Variants in EVC2 observed in about 807,000 individuals in gnomAD.
EVC2 encodes the protein limbin.
EVC2 carries 148 observed loss-of-function variants against 149.3 expected under a neutral mutation model. The observed-to-expected ratio is 0.99, with a 90% CI of 0.87 to 1.14. The LOEUF (loss-of-function observed/expected upper bound fraction) is 1.14, where lower values mean the gene tolerates loss of function less well. Among genes scored for constraint, EVC2 ranks in the 50% most tolerant of loss-of-function variants. The pLI is 0.00. For missense variants in EVC2, 1,854 were observed against 1,627.3 expected (o/e 1.14, Z -2.40); for synonymous variants, 776 against 649.9 (o/e 1.19, Z -2.95).
intron 9 of EVC2, among the ~76,000 whole-genome samples, chr4:5,653,857 C>A (rs1198816729): frequency 6.6e-6 from 1 of 152,188 alleles, no homozygotes; most frequent in Admixed American, 6.6e-5. Context: ...ACAAACGAGG[C>A]CCACCCTCTC....
chr4:5,660,920 T>C (rs1314907535), intron 9 of EVC2, among the ~76,000 whole-genome samples: 2 of 152,054 alleles, frequency 1.3e-5, no homozygotes, highest in Non-Finnish European at 2.9e-5. Context: ...TATCAAACAC[T>C]GAAAATAAGA....
Position 5,550,756 on chromosome 4 carries a change from G to A in EVC2, c.3420-7544C>T, listed in dbSNP as rs189887576. On this transcript the variant is annotated intron_variant and NMD_transcript_variant, in intron 21 of 22. Transcript: ENST00000475313. ...TTCACAGCAGCCCCTACCATCACAGGCCTGGAGGCTTAGGAAGAAAAAGTG... is the reference window on the plus strand; with the variant it reads ...TTCACAGCAGCCCCTACCATCACAGACCTGGAGGCTTAGGAAGAAAAAGTG... Among the ~76,000 whole-genome samples, 500 of 152,288 alleles carry A rather than the reference G, an allele frequency of 3.3e-3. 7 individuals carry two copies. Among genetic ancestry groups the A allele is most frequent in the African/African-American group, 0.011 (456 of 41,558 alleles).
rs148018699 is a variant in EVC2, at chr4:5,665,582, G to A, written c.938C>T (p.Thr313Ile). ...AACCATGAGGAAGAGGGCAGCCCAGGTCAGCACAAGGGAGAGGAGGAAGGC... is the reference window on the plus strand; with the variant it reads ...AACCATGAGGAAGAGGGCAGCCCAGATCAGCACAAGGGAGAGGAGGAAGGC... ...FIAFLLSLVL[T>I]WAALFLMVRY... is the part of the protein sequence containing the mutation. Residue 313 changes from threonine (T) to isoleucine (I), a missense_variant, in exon 8 of 22, where the codon ACC becomes ATC. Thr to Ile is a moderately conservative substitution (Grantham distance 89). Transcript: ENST00000344408. The A allele has an allele frequency of 5.6e-6, 9 of 1,614,222 alleles. No homozygotes were observed. Among genetic ancestry groups the A allele is most frequent in the Non-Finnish European group, 7.6e-6 (9 of 1,180,028 alleles).
intron 7 of EVC2, among the ~76,000 whole-genome samples, chr4:5,667,756 G>A (rs539275419): frequency 6.6e-6 from 1 of 152,232 alleles, no homozygotes; most frequent in Non-Finnish European, 1.5e-5. Flanking sequence ...GCTCATTAGG[G>A]ACTCAGTGTC....
intron 7 of EVC2, among the ~76,000 whole-genome samples, chr4:5,671,763 G>A (rs1719665580): frequency 6.6e-6 from 1 of 152,150 alleles, no homozygotes; most frequent in African/African-American, 2.4e-5. Flanking sequence ...GCCCACCTCG[G>A]CCTCCCAAAG....
At chr4:5,536,570 G>C in the EVC2 span, among the ~76,000 whole-genome samples, 1 of 152,118 alleles carries the variant, frequency 6.6e-6, no homozygotes, top group Non-Finnish European at 1.5e-5. Flanking sequence ...AGATCACGAG[G>C]TCAGGAGATC....
At chr4:5,531,966 G>A in the EVC2 span, among the ~76,000 whole-genome samples, 3 of 151,996 alleles carry the variant, frequency 2.0e-5, no homozygotes, top group African/African-American at 4.8e-5. Flanking sequence ...ACATAATACA[G>A]TGTAAATGCT....
At chr4:5,551,413 T>G (rs958257904) in intron 21 of EVC2, among the ~76,000 whole-genome samples, 1 of 152,220 alleles carries the variant, frequency 6.6e-6, no homozygotes, top group Admixed American at 6.5e-5. Context: ...TGCTGGATTT[T>G]GGGCTTGCAT....
intron 21 of EVC2, among the ~76,000 whole-genome samples, chr4:5,563,911 C>G (rs1412552613): frequency 6.6e-6 from 1 of 152,008 alleles, no homozygotes. Context: ...TTGAGAATGT[C>G]CCATAAAAAA....
At position 5,686,713 on chromosome 4, in the gene EVC2, G is replaced by A. The variant is rs1720738518; in HGVS notation, c.707-1234C>T. On this transcript the variant is annotated intron_variant, in intron 5 of 21. Transcript: ENST00000344408. The surrounding 1 kb of genome is among the most constrained non-coding windows in gnomAD (Gnocchi z 5.4). ...TAAAAGAAAAGCACCAAATAATAAT[G>A]ATGAGGTCAGAATGTCAATGAACTG... Among the ~76,000 whole-genome samples the A allele has an allele frequency of 6.6e-6, 1 of 151,938 alleles. No homozygotes were observed. Among genetic ancestry groups the A allele is most frequent in the Non-Finnish European group, 1.5e-5 (1 of 68,006 alleles).
rs1365150956 is a variant in EVC2, at chr4:5,670,551, C to A, written c.871-4902G>T. ...ACATCATCAATATCCCCATCACCATCATCTTCACATTGGCCATCACCACCA... is the reference window on the plus strand; with the variant it reads ...ACATCATCAATATCCCCATCACCATAATCTTCACATTGGCCATCACCACCA... On this transcript the variant is annotated intron_variant, in intron 7 of 21. Transcript: ENST00000344408. This position sits in a 1 kb window ranked among gnomAD's most constrained non-coding sequence, Gnocchi z 5.2. Among the ~76,000 whole-genome samples, 2 of 151,990 alleles carry A rather than the reference C, an allele frequency of 1.3e-5. No homozygotes were observed. Among genetic ancestry groups the A allele is most frequent in the Non-Finnish European group, 2.9e-5 (2 of 67,996 alleles).
At chr4:5,628,495 T>G in intron 12 of EVC2, 64 bp downstream of exon 12, 1 of 1,583,856 alleles carries the variant, frequency 6.3e-7, no homozygotes, top group African/African-American at 1.3e-5. Context: ...TCTGTGGTAT[T>G]CTGTCATAGC....
chr4:5,551,175 CA>C (rs2108759533), intron 21 of EVC2, among the ~76,000 whole-genome samples: 1 of 45,854 alleles, frequency 2.2e-5, no homozygotes, highest in Non-Finnish European at 3.4e-5. Context: ...CACTGTACTC[CA>C]GACCCCAGAA....
In EVC2 at chr4:5,555,031, T is replaced by C. The variant is rs528155027; in HGVS notation, c.3419+10227A>G. Among the ~76,000 whole-genome samples the C allele has an allele frequency of 2.0e-5, 3 of 149,818 alleles. No homozygotes were observed. The South Asian group carries it at 6.4e-4, about 32-fold the overall frequency. On this transcript the variant is annotated intron_variant and NMD_transcript_variant, in intron 21 of 22. Transcript: ENST00000475313. ...GAGAGAGGAAGCGTGTGTGTGTGTGTGTGTGTGTGTGTCTCTGCACATGCA... is the reference window on the plus strand; with the variant it reads ...GAGAGAGGAAGCGTGTGTGTGTGTGCGTGTGTGTGTGTCTCTGCACATGCA...
chr4:5,617,442 G>A (rs1715345202), intron 15 of EVC2, among the ~76,000 whole-genome samples: 2 of 152,176 alleles, frequency 1.3e-5, no homozygotes, highest in African/African-American at 4.8e-5. Flanking sequence ...CACACATCTG[G>A]TGCTTGGCTG....
chr4:5,628,508 C>A (rs935833729), intron 12 of EVC2, 51 bp downstream of exon 12: 3 of 1,598,442 alleles, frequency 1.9e-6, no homozygotes, highest in Non-Finnish European at 2.6e-6. Flanking sequence ...GTCATAGCAG[C>A]AGAAAACAGA....
downstream of EVC2, among the ~76,000 whole-genome samples, chr4:5,539,505 A>C (rs140879257): frequency 1.8e-3 from 278 of 152,320 alleles, 3 homozygotes; most frequent in African/African-American, 5.5e-3. Context: ...AGAAAAAAAT[A>C]TATACATCTA....
chr4:5,641,367 T>C (rs1717317636), intron 9 of EVC2, among the ~76,000 whole-genome samples: 1 of 152,344 alleles, frequency 6.6e-6, no homozygotes, highest in African/African-American at 2.4e-5. Context: ...TTTTAACAAA[T>C]GTAACATACT....
chr4:5,584,054 CA>C (rs779114571), intron 17 of EVC2, among the ~76,000 whole-genome samples: 3 of 152,056 alleles, frequency 2.0e-5, no homozygotes, highest in Non-Finnish European at 4.4e-5. Context: ...CTTCCCTCCC[CA>C]TACTAGGGTT....
Sources: allele counts gnomAD v4.1 joint callset (sites outside exome capture counted in the v4.1 genomes callset), GRCh38; gene constraint gnomAD v4.1.1; non-coding constraint Gnocchi (gnomAD v3.1); transcripts MANE v1.5; gene names NCBI Gene and HGNC (gene_info 2026-07-23, HGNC 2026-07-21).